OTOA: variants seen among roughly 807,000 people sequenced by gnomAD.
OTOA encodes cancer/testis antigen 108.
Under a neutral mutation model 110.8 loss-of-function variants are expected in OTOA, and 70 were observed. The ratio of observed to expected loss-of-function variants is 0.63; its 90% CI spans 0.52 to 0.77. The LOEUF is 0.77. OTOA is among the 30% of genes least tolerant of loss of function. The pLI is 0.00. For synonymous variants in OTOA, 373 were observed against 431.5 expected, an observed-to-expected ratio of 0.86 and a Z score of 1.68; for missense variants, 917 against 1,075.8, an observed-to-expected ratio of 0.85 and a Z score of 2.06.
At chr16:21,667,439 G>A (rs1966842662) in intron 1 of OTOA, among the ~76,000 whole-genome samples, 1 of 152,072 alleles carries the variant, frequency 6.6e-6, no homozygotes, top group African/African-American at 2.4e-5. Flanking sequence ...CAGATCACAA[G>A]ATCAGGAGAT....
chr16:21,680,853 CAAA>C (rs1229330756), intron 5 of OTOA, among the ~76,000 whole-genome samples: 3 of 70,796 alleles, frequency 4.2e-5, no homozygotes, highest in Admixed American at 1.6e-4. Context: ...ACTCTGTCTC[CAAA>C]AAAAAAAAAA....
At chr16:21,683,482 C>T (rs1010925576) in intron 6 of OTOA, among the ~76,000 whole-genome samples, 3 of 152,006 alleles carry the variant, frequency 2.0e-5, no homozygotes, top group Non-Finnish European at 4.4e-5. Context: ...TGCTTGATAC[C>T]AGGAGTTGGA....
At chr16:21,692,195 C>T (rs1002106201) in intron 9 of OTOA, among the ~76,000 whole-genome samples, 1 of 151,898 alleles carries the variant, frequency 6.6e-6, no homozygotes, top group Admixed American at 6.6e-5. Flanking sequence ...GGCGTGGTGG[C>T]GGGCACCTGT....
intron 9 of OTOA, among the ~76,000 whole-genome samples, chr16:21,697,369 T>C (rs980298539): frequency 1.3e-5 from 2 of 152,156 alleles, no homozygotes; most frequent in African/African-American, 4.8e-5. Context: ...TGGTGGCTCA[T>C]GCCTGTAATC....
chr16:21,760,108 C>T (rs1290437596), intron 28 of OTOA, among the ~76,000 whole-genome samples: 2 of 151,854 alleles, frequency 1.3e-5, no homozygotes, highest in Non-Finnish European at 2.9e-5. Context: ...TTCCTATGGA[C>T]CAGAGCCCTA....
intron 19 of OTOA, chr16:21,726,966 A>T (rs899273778): frequency 1.1e-5 from 4 of 379,622 alleles, no homozygotes; most frequent in African/African-American, 8.4e-5. Context: ...CCTGAGCCTC[A>T]GTCTTCTCAT....
At chr16:21,698,238 G>T (rs1897984057) in intron 10 of OTOA, among the ~76,000 whole-genome samples, 1 of 152,100 alleles carries the variant, frequency 6.6e-6, no homozygotes, top group South Asian at 2.1e-4. Context: ...TCCCATCCTT[G>T]GGATCATGAA....
At chr16:21,734,755 T>C (rs1428144943) in intron 21 of OTOA, among the ~76,000 whole-genome samples, 1 of 151,982 alleles carries the variant, frequency 6.6e-6, no homozygotes, top group Non-Finnish European at 1.5e-5. Flanking sequence ...GAGAACGGCG[T>C]GAACCCAGGG....
At chr16:21,734,454 G>A (rs1052843722) in intron 21 of OTOA, among the ~76,000 whole-genome samples, 1 of 150,756 alleles carries the variant, frequency 6.6e-6, no homozygotes, top group Non-Finnish European at 1.5e-5. Context: ...TAAATAATTT[G>A]TACAACAAAC....
rs1182150346 is a variant in OTOA, at chr16:21,759,472, A to ATT, written c.3350-983_3350-982dup. ...GTAGATGGACCTTGCAGTTGTTTCT[A>ATT]TTTTTTTTTTTTTTTTGCTGTTATG... On this transcript the variant is annotated intron_variant, in intron 28 of 28. Coordinates refer to ENST00000646100, the MANE Select transcript of OTOA (RefSeq NM_144672.4). 3.4e-3 allele frequency among the ~76,000 whole-genome samples: 422 copies of ATT among 125,642 alleles called. 3 individuals are homozygous for ATT. Among genetic ancestry groups the ATT allele is most frequent in the South Asian group, 0.013 (54 of 4,034 alleles). The allele number at this position is 125,642 out of a possible 152,430, so 82.4% of individuals were successfully genotyped here. A position where few individuals can be genotyped will look rare whatever the true frequency, so the allele number is the denominator to read the frequency against.
At chr16:21,665,084 G>A (rs777207481) in intron 1 of OTOA, among the ~76,000 whole-genome samples, 4 of 152,286 alleles carry the variant, frequency 2.6e-5, no homozygotes, top group Non-Finnish European at 5.9e-5. Context: ...AGGAGGAAAT[G>A]CAAGCCTATA....
intron 12 of OTOA, 125 bp downstream of exon 12, chr16:21,705,417 C>A (rs1597825070): frequency 1.4e-6 from 2 of 1,438,464 alleles, no homozygotes; most frequent in South Asian, 1.2e-5. Flanking sequence ...TAAGTCCAGT[C>A]ACAGCAGATG....
chr16:21,669,173 G>A (rs1243247700), intron 1 of OTOA, among the ~76,000 whole-genome samples: 5 of 151,922 alleles, frequency 3.3e-5, no homozygotes, highest in South Asian at 4.2e-4. Flanking sequence ...GTGAAACCCC[G>A]TCTCTACTAA....
intron 8 of OTOA, among the ~76,000 whole-genome samples, chr16:21,687,874 G>C (rs1696691619): frequency 4.0e-5 from 6 of 151,892 alleles, no homozygotes; most frequent in Admixed American, 3.9e-4. Context: ...ATGTTGGCCA[G>C]GCTGGTTTCG....
intron 12 of OTOA, among the ~76,000 whole-genome samples, chr16:21,705,840 G>A (rs1221833336): frequency 1.3e-5 from 2 of 152,126 alleles, no homozygotes; most frequent in Non-Finnish European, 2.9e-5. Context: ...TCAGGAGGCT[G>A]AGGCAGGAGA....
intron 8 of OTOA, among the ~76,000 whole-genome samples, chr16:21,689,062 C>A (rs953178194): frequency 6.6e-6 from 1 of 152,040 alleles, no homozygotes; most frequent in Non-Finnish European, 1.5e-5. Context: ...CATGAAATTG[C>A]GCTTTGATGT....
chr16:21,733,959 C>T (rs185069285), intron 21 of OTOA, among the ~76,000 whole-genome samples: 1 of 152,196 alleles, frequency 6.6e-6, no homozygotes, highest in East Asian at 1.9e-4. Context: ...ACCACCATGC[C>T]GAGTGAATTT....
At chr16:21,721,016 G>T (rs1289375377) in intron 17 of OTOA, among the ~76,000 whole-genome samples, 1 of 151,494 alleles carries the variant, frequency 6.6e-6, no homozygotes, top group Non-Finnish European at 1.5e-5. Context: ...CTGGGTTCAA[G>T]TGATTCTCCT....
Position 21,691,631 on chromosome 16 carries a change from A to G in OTOA, c.683A>G (p.Gln228Arg). The change falls in exon 9 of 29, where the codon CAG (glutamine) becomes CGG (arginine). Residue 228 changes from glutamine to arginine, a missense_variant. Coordinates refer to ENST00000646100, the MANE Select transcript of OTOA (RefSeq NM_144672.4). ...DLYDKTSAHS[Q>R]RALYSWMTGI... is the part of the protein sequence containing the mutation. ...TACGACAAAACCTCGGCTCATTCCC[A>G]GAGAGCTCTCTATTCCTGGATGACT... 6.2e-7 allele frequency: 1 copy of G among 1,613,830 alleles called. No homozygotes were observed. Among genetic ancestry groups the G allele is most frequent in the Non-Finnish European group, 8.5e-7 (1 of 1,179,836 alleles).
Sources: allele counts gnomAD v4.1 joint callset (sites outside exome capture counted in the v4.1 genomes callset), GRCh38; gene constraint gnomAD v4.1.1; transcripts MANE v1.5; gene names NCBI Gene and HGNC (gene_info 2026-07-23, HGNC 2026-07-21).